Variants in USP6NL observed in about 807,000 individuals in gnomAD.
USP6NL encodes USP6 N-terminal like.
USP6NL carries 26 observed loss-of-function variants against 61.9 expected under a neutral mutation model. That is an observed-to-expected ratio of 0.42 (90% confidence interval 0.31 to 0.58). USP6NL has a LOEUF of 0.58. USP6NL is among the 20% of genes least tolerant of loss of function. The pLI is 0.16. For synonymous variants in USP6NL, 432 were observed against 390.1 expected (o/e 1.11, Z -1.27); for missense variants, 1,114 against 1,034.3 (o/e 1.08, Z -1.06).
chr10:11,583,133 A>T (rs1000392623), intron 2 of USP6NL, among the ~76,000 whole-genome samples: 1 of 151,788 alleles, frequency 6.6e-6, no homozygotes, highest in African/African-American at 2.4e-5. Context: ...AAAGCTGTAC[A>T]TAATATACTA....
intron 2 of USP6NL, among the ~76,000 whole-genome samples, chr10:11,529,038 G>C (rs1316476542): frequency 6.6e-6 from 1 of 152,170 alleles, no homozygotes; most frequent in Admixed American, 6.5e-5. Context: ...CAGGGCAGTG[G>C]AGAGTGCTTA....
chr10:11,532,032 C>A lies in USP6NL; in HGVS notation c.5-4465G>T. The A allele has an allele frequency of 1.6e-6, 1 of 619,442 alleles. No homozygotes were observed. Among genetic ancestry groups the A allele is most frequent in the South Asian group, 2.2e-5 (1 of 45,950 alleles). 38.4% of individuals were successfully genotyped at this position (619,442 alleles called of 1,614,324 possible). ...TTGTATCTTAATGTCACTAAATTAG[C>A]ACCAAACTGCAATGAAAAATTCATA... is the stretch of plus-strand genomic sequence containing the variant. On this transcript the variant is annotated intron_variant, in intron 2 of 14. Coordinates refer to ENST00000609104, the MANE Select transcript of USP6NL (RefSeq NM_014688.5). This position sits in a 1 kb window ranked among gnomAD's most constrained non-coding sequence, Gnocchi z 4.1.
intron 2 of USP6NL, among the ~76,000 whole-genome samples, chr10:11,555,191 G>T (rs2133504781): frequency 6.8e-6 from 1 of 146,756 alleles, no homozygotes. Flanking sequence ...CGAGGCAGGT[G>T]GATCACCTGA....
chr10:11,547,957 T>C (rs1193486748), intron 2 of USP6NL, among the ~76,000 whole-genome samples: 1 of 152,200 alleles, frequency 6.6e-6, no homozygotes, highest in Non-Finnish European at 1.5e-5. Context: ...AATTAATTCT[T>C]AAAAAGTTAA....
At chr10:11,529,471 A>T (rs1486994716) in intron 2 of USP6NL, among the ~76,000 whole-genome samples, 1 of 152,268 alleles carries the variant, frequency 6.6e-6, no homozygotes, top group Non-Finnish European at 1.5e-5. Flanking sequence ...TGTTTATAAT[A>T]GTAAAAACAA....
At chr10:11,530,705 T>C (rs1243362293) in intron 2 of USP6NL, among the ~76,000 whole-genome samples, 1 of 152,238 alleles carries the variant, frequency 6.6e-6, no homozygotes, top group Non-Finnish European at 1.5e-5. Context: ...TAGCCAAATC[T>C]GTTTCTCTGA....
rs927961177 is a variant in USP6NL at position 11,561,638 on chromosome 10, T to A, written c.5-34071A>T. 1.3e-5 allele frequency among the ~76,000 whole-genome samples: 2 copies of A among 152,244 alleles called. No individual in the cohort carries two copies. Among genetic ancestry groups the A allele is most frequent in the Non-Finnish European group, 2.9e-5 (2 of 68,050 alleles). ...AACCTTTCTTCTACTGACAGATAAG[T>A]TCTACTGGTTTGGGTATTGTAAACA... On this transcript the variant is annotated intron_variant, in intron 2 of 14. Coordinates refer to ENST00000609104, the MANE Select transcript of USP6NL (RefSeq NM_014688.5). This position sits in a 1 kb window ranked among gnomAD's most constrained non-coding sequence, Gnocchi z 4.1.
chr10:11,469,932 G>A (rs1160714599), intron 14 of USP6NL, among the ~76,000 whole-genome samples: 4 of 151,666 alleles, frequency 2.6e-5, no homozygotes, highest in East Asian at 1.9e-4. Context: ...CTAACGCTGC[G>A]ATTATGCCAT....
At chr10:11,469,942 T>C (rs965043512) in intron 14 of USP6NL, among the ~76,000 whole-genome samples, 5 of 152,218 alleles carry the variant, frequency 3.3e-5, no homozygotes, top group African/African-American at 9.7e-5. Flanking sequence ...GATTATGCCA[T>C]CTACACATTT....
rs544523669 is a variant in USP6NL at position 11,598,675 on chromosome 10, A to G, written c.-83-958T>C. 3.9e-5 allele frequency among the ~76,000 whole-genome samples: 6 copies of G among 152,332 alleles called. No individual in the cohort carries two copies. In the East Asian group the frequency reaches 9.6e-4, roughly 24 times the overall value. On this transcript the variant is annotated intron_variant, in intron 1 of 14. Transcript: ENST00000609104. The surrounding 1 kb of genome is among the most constrained non-coding windows in gnomAD (Gnocchi z 4.7). ...CAAATAAGCTACTTCTTCCAATCAC[A>G]ATAGGTGATGGTTATTTTCTAAATC...
rs375896882 is a variant in USP6NL, at chr10:11,595,980, C to T, written c.4+1651G>A. ...TATGTGGTTCAAACACTATTAGTTG[C>T]TTGGCAAGCCATTCCTCCCCTCTGC... On this transcript the variant is annotated intron_variant, in intron 2 of 14. Transcript: ENST00000609104. This position sits in a 1 kb window ranked among gnomAD's most constrained non-coding sequence, Gnocchi z 5.3. 9.8e-5 allele frequency among the ~76,000 whole-genome samples: 15 copies of T among 152,286 alleles called. No individual in the cohort carries two copies. The East Asian group carries it at 2.5e-3, about 25-fold the overall frequency.
chr10:11,497,637 T>A (rs1833993690), intron 7 of USP6NL, among the ~76,000 whole-genome samples: 1 of 151,676 alleles, frequency 6.6e-6, no homozygotes, highest in Non-Finnish European at 1.5e-5. Context: ...GACAAGAAAA[T>A]CCATCATAAA....
rs541635174 is a variant in USP6NL at position 11,597,372 on chromosome 10, T to G, written c.4+259A>C. ...TTCCAATGGCAAGTCAATAGAAAATTTTAGATCACAGAACTAAATCAGCCA... is the reference window on the plus strand; with the variant it reads ...TTCCAATGGCAAGTCAATAGAAAATGTTAGATCACAGAACTAAATCAGCCA... On this transcript the variant is annotated intron_variant, in intron 2 of 14. Transcript: ENST00000609104. The surrounding 1 kb of genome is among the most constrained non-coding windows in gnomAD (Gnocchi z 4.6). 6.6e-6 allele frequency among the ~76,000 whole-genome samples: 1 copy of G among 152,336 alleles called. No individual in the cohort carries two copies. Among genetic ancestry groups the G allele is most frequent in the Non-Finnish European group, 1.5e-5 (1 of 68,026 alleles).
At chr10:11,606,096 T>C (rs1030734141) in intron 1 of USP6NL, among the ~76,000 whole-genome samples, 14 of 151,812 alleles carry the variant, frequency 9.2e-5, no homozygotes, top group African/African-American at 3.4e-4. Flanking sequence ...GAAAATCATC[T>C]CAAAGCCAAA....
chr10:11,505,705 A>T (rs571505630), intron 6 of USP6NL, among the ~76,000 whole-genome samples: 2 of 152,180 alleles, frequency 1.3e-5, no homozygotes, highest in African/African-American at 4.8e-5. Context: ...ACAAATGACT[A>T]ATGTTTTCAG....
chr10:11,555,835 G>A (rs188360992), intron 2 of USP6NL, among the ~76,000 whole-genome samples: 31 of 152,266 alleles, frequency 2.0e-4, no homozygotes, highest in South Asian at 8.3e-4. Flanking sequence ...AACTATGAAA[G>A]TCAGAAGATA....
rs755276555 is a variant in USP6NL at position 11,461,830 on chromosome 10, A to AT, written c.*610dup. The AT allele has an allele frequency of 6.6e-6, 1 of 152,262 alleles. No individual in the cohort carries two copies. The highest frequency in any genetic ancestry group is 1.5e-5 in the Non-Finnish European group (1 of 68,056). The allele number at this position is 152,262 out of a possible 1,614,324, so 9.4% of individuals were successfully genotyped here. A position where few individuals can be genotyped will look rare whatever the true frequency, so the allele number is the denominator to read the frequency against. ...ATGATGAGCATTCTGTGAGACTGCA[A>AT]TTAATAAAGTCAGGACAAACTCTTC... is the stretch of plus-strand genomic sequence containing the variant. On this transcript the variant is annotated 3_prime_UTR_variant, in exon 15 of 15. Coordinates refer to ENST00000609104, the MANE Select transcript of USP6NL (RefSeq NM_014688.5).
rs2096225664 is a variant in USP6NL, at chr10:11,463,356, C to G, written c.1572G>C (p.Glu524Asp). The G allele has an allele frequency of 3.1e-6, 5 of 1,613,900 alleles. No homozygotes were observed. In the South Asian group the frequency reaches 5.5e-5, roughly 18 times the overall value. The stretch of plus-strand genomic sequence containing the variant: ...TTGGCCGCACGTTTGACACCCGCAC[C>G]TCGGCAGGACCTGGGACGGTAACTG... ...ALAVTVPGPA[E>D]VRVSNVRPKM... Residue 524 changes from glutamate to aspartate, a missense_variant, in exon 15 of 15, where the codon GAG becomes GAC. By Grantham distance (45) the Glu-to-Asp change is conservative. Coordinates refer to ENST00000609104, the MANE Select transcript of USP6NL (RefSeq NM_014688.5). This position sits in a 1 kb window ranked among gnomAD's most constrained non-coding sequence, Gnocchi z 6.3.
In USP6NL at chr10:11,553,376, G is replaced by A. The variant is rs12098276; in HGVS notation, c.5-25809C>T. 3.2e-3 allele frequency among the ~76,000 whole-genome samples: 491 copies of A among 152,240 alleles called. 2 individuals carry two copies. Among genetic ancestry groups the A allele is most frequent in the African/African-American group, 0.011 (450 of 41,538 alleles). On this transcript the variant is annotated intron_variant, in intron 2 of 14. Coordinates refer to ENST00000609104, the MANE Select transcript of USP6NL (RefSeq NM_014688.5). This position sits in a 1 kb window ranked among gnomAD's most constrained non-coding sequence, Gnocchi z 4.8. Reference sequence around the variant, plus strand: ...AATAATACTCCTCTCACTAACTTCAGCCTCCAGGTTTCCTTGTGTGGATGT... The same window carrying A: ...AATAATACTCCTCTCACTAACTTCAACCTCCAGGTTTCCTTGTGTGGATGT...
Sources: allele counts gnomAD v4.1 joint callset (sites outside exome capture counted in the v4.1 genomes callset), GRCh38; gene constraint gnomAD v4.1.1; non-coding constraint Gnocchi (gnomAD v3.1); transcripts MANE v1.5; gene names NCBI Gene and HGNC (gene_info 2026-07-23, HGNC 2026-07-21).